PGS1: variants seen among roughly 807,000 people sequenced by gnomAD.
PGS1 encodes the protein phosphatidylglycerophosphate synthase 1, also known as CDP-diacylglycerol--glycerol-3-phosphate 3-phosphatidyltransferase, mitochondrial.
A neutral mutation model predicts 58.3 loss-of-function variants in PGS1; 44 were observed. The ratio of observed to expected loss-of-function variants is 0.75; its 90% confidence interval spans 0.59 to 0.97. PGS1 has a LOEUF of 0.97. Among genes scored for constraint, PGS1 ranks in the 50% least tolerant of loss-of-function variants. The pLI is 0.00. For missense variants in PGS1, 684 were observed against 731.1 expected, an observed-to-expected ratio of 0.94 and a Z score of 0.74; for synonymous variants, 330 against 311.0, an observed-to-expected ratio of 1.06 and a Z score of -0.64.
intron 6 of PGS1, among the ~76,000 whole-genome samples, chr17:78,401,568 G>A (rs1004448678): frequency 1.3e-5 from 2 of 152,318 alleles, no homozygotes; most frequent in Non-Finnish European, 2.9e-5. Context: ...TGAACTTGGG[G>A]AGGAGGAGCT....
At chr17:78,378,947 G>A (rs1270466133) in intron 1 of PGS1, 139 bp downstream of exon 1, 2 of 964,252 alleles carry the variant, frequency 2.1e-6, no homozygotes, top group East Asian at 3.3e-5. Context: ...TGCCTCCCGG[G>A]GCTCGGCGCC....
In PGS1 at chr17:78,413,096, C is replaced by G. The variant is rs554864502; in HGVS notation, c.1403-1783C>G. On this transcript the variant is annotated intron_variant, in intron 7 of 9. Coordinates refer to ENST00000262764, the MANE Select transcript of PGS1 (RefSeq NM_024419.5). Reference sequence around the variant, plus strand: ...TGGTCCTGTGAACGGCCTGCACGGCCAGTGGCCCAGCGGAGCGGTACTGTT... The same window carrying G: ...TGGTCCTGTGAACGGCCTGCACGGCGAGTGGCCCAGCGGAGCGGTACTGTT... 7.2e-5 allele frequency among the ~76,000 whole-genome samples: 11 copies of G among 152,336 alleles called. No individual in the cohort carries two copies. In the South Asian group the frequency reaches 1.2e-3, roughly 17 times the overall value.
At chr17:78,413,728 G>A (rs17642548) in intron 7 of PGS1, among the ~76,000 whole-genome samples, 33,228 of 152,194 alleles carry the variant, frequency 0.22, 4,560 homozygotes, top group Non-Finnish European at 0.31. Flanking sequence ...GTGTCCTTGG[G>A]ATGCTAGGTC....
At chr17:78,407,640 C>T (rs2084269553) in intron 7 of PGS1, among the ~76,000 whole-genome samples, 1 of 152,392 alleles carries the variant, frequency 6.6e-6, no homozygotes, top group Admixed American at 6.5e-5. Flanking sequence ...GGGCTGATCT[C>T]AGCTCCTCCT....
In PGS1 at chr17:78,419,596, C is replaced by T. The variant is rs755670168; in HGVS notation, c.1602C>T (p.Phe534=). The change falls in exon 9 of 10, where the codon TTC becomes TTT. Residue 534 remains phenylalanine, a synonymous_variant. Coordinates refer to ENST00000262764, the MANE Select transcript of PGS1 (RefSeq NM_024419.5). ...CAGGTGTGGTGTCCTCTGCCACCTT[C>T]GAGCAGCCGAGTCGCCAGGTGAAGC... The part of the protein sequence containing the change: ...LRSGVVSSAT[F]EQPSRQVKLW... 1.1e-5 allele frequency: 17 copies of T among 1,614,064 alleles called. No homozygotes were observed. The highest frequency in any genetic ancestry group is 1.6e-4 in the Middle Eastern group (1 of 6,062).
rs754924337 is a variant in PGS1, at chr17:78,419,679, C to T, written c.*10+4C>T. 6.8e-6 allele frequency: 11 copies of T among 1,613,356 alleles called. No homozygotes were observed. The highest frequency in any genetic ancestry group is 9.3e-6 in the Non-Finnish European group (11 of 1,179,666). On this transcript the variant is annotated splice_donor_region_variant and intron_variant, in intron 9 of 9. Coordinates refer to ENST00000262764, the MANE Select transcript of PGS1 (RefSeq NM_024419.5). Reference sequence around the variant, plus strand: ...AACTTCTTCTGAGGACAGACAGGTGCTGTCTCTAGCATCACCTCTCAGCAC... The same window carrying T: ...AACTTCTTCTGAGGACAGACAGGTGTTGTCTCTAGCATCACCTCTCAGCAC...
chr17:78,410,940 C>T (rs1447712757), intron 7 of PGS1, among the ~76,000 whole-genome samples: 1 of 152,166 alleles, frequency 6.6e-6, no homozygotes, highest in Non-Finnish European at 1.5e-5. Flanking sequence ...ACTCCCTGCC[C>T]TCCTAAGGCT....
At chr17:78,405,185 A>T (rs1255048501) in intron 7 of PGS1, among the ~76,000 whole-genome samples, 1 of 150,564 alleles carries the variant, frequency 6.6e-6, no homozygotes, top group Non-Finnish European at 1.5e-5. Context: ...TTTAGTAGAG[A>T]TGGGGTTCCA....
In PGS1 at chr17:78,416,854, C is replaced by G. The variant is rs538969211; in HGVS notation, c.1551+1827C>G. ...CCTACAGTGCCCGGTCCCTAGAGGCCAAATCCTGCTGGGACTGCCCAGCCT... is the reference window on the plus strand; with the variant it reads ...CCTACAGTGCCCGGTCCCTAGAGGCGAAATCCTGCTGGGACTGCCCAGCCT... On this transcript the variant is annotated intron_variant, in intron 8 of 9. Transcript: ENST00000262764. Among the ~76,000 whole-genome samples, 10 of 152,266 alleles carry G rather than the reference C, an allele frequency of 6.6e-5. No homozygotes were observed. In the South Asian group the frequency reaches 1.9e-3, roughly 28 times the overall value.
chr17:78,424,496 C>T lies in PGS1; in HGVS notation c.*446C>T. 3.5e-6 allele frequency: 1 copy of T among 289,198 alleles called. No homozygotes were observed. Among genetic ancestry groups the T allele is most frequent in the Non-Finnish European group, 6.6e-6 (1 of 152,090 alleles). 17.9% of individuals were successfully genotyped at this position (289,198 alleles called of 1,614,324 possible). On this transcript the variant is annotated 3_prime_UTR_variant, in exon 10 of 10. Coordinates refer to ENST00000262764, the MANE Select transcript of PGS1 (RefSeq NM_024419.5). ...AATTACAGAGTAAAGTTCCCTGATTCTTAATGTGTAATGTCTGCCCTATGT... is the reference window on the plus strand; with the variant it reads ...AATTACAGAGTAAAGTTCCCTGATTTTTAATGTGTAATGTCTGCCCTATGT...
chr17:78,390,650 G>T (rs1353386660), intron 1 of PGS1, among the ~76,000 whole-genome samples: 2 of 152,212 alleles, frequency 1.3e-5, no homozygotes, highest in Non-Finnish European at 2.9e-5. Context: ...ACACACTGAA[G>T]AGGATTTTCC....
chr17:78,391,423 G>T (rs538836573), intron 1 of PGS1, among the ~76,000 whole-genome samples: 1 of 152,328 alleles, frequency 6.6e-6, no homozygotes, highest in Non-Finnish European at 1.5e-5. Context: ...GGGCTCAGGA[G>T]ATCCTCCTGC....
At position 78,399,337 on chromosome 17, in the gene PGS1, T is replaced by A; in HGVS notation, c.512-11T>A. 6.2e-7 allele frequency: 1 copy of A among 1,611,822 alleles called. No individual in the cohort carries two copies. Among genetic ancestry groups the A allele is most frequent in the Middle Eastern group, 1.7e-4 (1 of 6,048 alleles). On this transcript the variant is annotated splice_polypyrimidine_tract_variant and intron_variant, in intron 4 of 9. Transcript: ENST00000262764. ...TGTGAGTCAGGTGCCGTTTTCTCTG[T>A]CCGTGTTCAGGCCGGAAGAACTCCC...
chr17:78,414,072 T>A (rs557660284), intron 7 of PGS1, among the ~76,000 whole-genome samples: 70 of 152,270 alleles, frequency 4.6e-4, no homozygotes, highest in African/African-American at 1.5e-3. Context: ...AGCCAGGAAG[T>A]CCCTGGGCCC....
intron 7 of PGS1, among the ~76,000 whole-genome samples, chr17:78,408,958 G>C (rs774534103): frequency 1.3e-5 from 2 of 152,246 alleles, no homozygotes; most frequent in Non-Finnish European, 2.9e-5. Flanking sequence ...GATCGGGGGT[G>C]GGGTACAGGC....
chr17:78,404,121 T>C (rs2146235982), intron 7 of PGS1, 32 bp downstream of exon 7: 1 of 1,481,798 alleles, frequency 6.7e-7, no homozygotes, highest in Non-Finnish European at 9.0e-7. Context: ...GACGTTCCAG[T>C]GTGGGACAGC....
intron 7 of PGS1, among the ~76,000 whole-genome samples, chr17:78,406,071 C>A (rs1468355172): frequency 6.6e-6 from 1 of 152,178 alleles, no homozygotes; most frequent in Admixed American, 6.5e-5. Context: ...AATCCCAGCA[C>A]TTTAGGAGGC....
intron 7 of PGS1, among the ~76,000 whole-genome samples, chr17:78,413,276 T>C (rs1018561861): frequency 1.3e-5 from 2 of 152,200 alleles, no homozygotes; most frequent in African/African-American, 4.8e-5. Flanking sequence ...TAGGAAACCG[T>C]CTTCTATTTT....
chr17:78,392,779 T>G, intron 2 of PGS1, 114 bp downstream of exon 2: 1 of 796,880 alleles, frequency 1.3e-6, no homozygotes, highest in Middle Eastern at 3.1e-4. Context: ...AGCTTATTCC[T>G]TCTGGGTTTT....
Sources: allele counts gnomAD v4.1 joint callset (sites outside exome capture counted in the v4.1 genomes callset), GRCh38; gene constraint gnomAD v4.1.1; transcripts MANE v1.5; gene names NCBI Gene and HGNC (gene_info 2026-07-23, HGNC 2026-07-21).